Variants in DYNC1LI1 observed in about 807,000 individuals in gnomAD.
DYNC1LI1 encodes cytoplasmic dynein 1 light intermediate chain 1.
Under a neutral mutation model 63.8 loss-of-function variants are expected in DYNC1LI1, and 19 were observed. The ratio of observed to expected loss-of-function variants is 0.30; its 90% CI spans 0.21 to 0.44. The LOEUF (loss-of-function observed/expected upper bound fraction) is 0.44. DYNC1LI1 is among the 20% of genes least tolerant of loss of function. The pLI is 1.00. For synonymous variants in DYNC1LI1, 225 were observed against 232.3 expected (o/e 0.97, Z 0.28); for missense variants, 565 against 630.2 (o/e 0.90, Z 1.11).
At chr3:32,536,885 C>A in intron 6 of DYNC1LI1, 126 bp downstream of exon 6, 1 of 555,030 alleles carries the variant, frequency 1.8e-6, no homozygotes, top group Non-Finnish European at 3.2e-6. Context: ...ATGAAATTTC[C>A]AACCAGAGAC....
chr3:32,538,037 A>T lies in DYNC1LI1; in HGVS notation c.739-933T>A, dbSNP rs1481114892. On this transcript the variant is annotated intron_variant, in intron 5 of 12. Coordinates refer to ENST00000273130, the MANE Select transcript of DYNC1LI1 (RefSeq NM_016141.4). ...TATATATATAATTTATATATATAAT[A>T]TATATATATAATTATATATATATAA... 6.9e-4 allele frequency among the ~76,000 whole-genome samples: 6 copies of T among 8,758 alleles called. 1 individual carries two copies. The East Asian group carries it at 0.19, about 274-fold the overall frequency. 5.7% of individuals were successfully genotyped at this position (8,758 alleles called of 152,430 possible).
chr3:32,537,904 T>C (rs1162513149), intron 5 of DYNC1LI1, among the ~76,000 whole-genome samples: 1 of 82,942 alleles, frequency 1.2e-5, no homozygotes, highest in Middle Eastern at 5.1e-3. Context: ...ATATATAATA[T>C]ATATATATAA....
rs3836420 is a variant in DYNC1LI1 at position 32,526,653 on chromosome 3, CCA to C, written c.*144_*145del. On this transcript the variant is annotated 3_prime_UTR_variant, in exon 13 of 13. Transcript: ENST00000273130. ...ACGGCTCCTTCTAAAAAATGGGTAA[CCA>C]CACACACACACACACACACACACGA... 0.14 allele frequency: 65,762 copies of C among 476,384 alleles called. 1,215 individuals are homozygous for C. Among genetic ancestry groups the C allele is most frequent in the South Asian group, 0.18 (5,322 of 29,066 alleles). 29.5% of individuals were successfully genotyped at this position (476,384 alleles called of 1,614,324 possible).
rs1431899511 is a variant in DYNC1LI1 at position 32,545,927 on chromosome 3, T to C, written c.259A>G (p.Ile87Val). 1.9e-6 allele frequency: 3 copies of C among 1,612,644 alleles called. No individual in the cohort carries two copies. The highest frequency in any genetic ancestry group is 4.5e-5 in the East Asian group (2 of 44,820). ...TTCTTATACTCCTCTATTCCCTGAA[T>C]TTTTCTTATTAAGCTTGTTTTTCCA... ...GAGKTSLIRKIQGIEEYKKGR... is the reference protein window; with the variant it reads ...GAGKTSLIRKVQGIEEYKKGR... The change falls in exon 3 of 13, where the codon ATT (isoleucine) becomes GTT (valine). Residue 87 changes from isoleucine to valine, a missense_variant. Physicochemically the swap from Ile to Val is conservative, Grantham distance 29 (BLOSUM62 3). Coordinates refer to ENST00000273130, the MANE Select transcript of DYNC1LI1 (RefSeq NM_016141.4).
At position 32,570,657 on chromosome 3, in the gene DYNC1LI1, C is replaced by T. The variant is rs1230000170; in HGVS notation, c.114G>A (p.Ala38=). Residue 38 remains alanine, a synonymous_variant, in exon 1 of 13, where the codon GCG becomes GCA. Transcript: ENST00000273130. ...NEIASGNGGA[A]AGDDEDGQNL... is the part of the protein sequence containing the mutation. ...TCTGCCCGTCCTCGTCGTCGCCTGCCGCGGCGCCACCGTTGCCCGACGCTA... is the reference window on the plus strand; with the variant it reads ...TCTGCCCGTCCTCGTCGTCGCCTGCTGCGGCGCCACCGTTGCCCGACGCTA... 2 of 1,597,054 alleles carry T rather than the reference C, an allele frequency of 1.3e-6. No individual in the cohort carries two copies. The highest frequency in any genetic ancestry group is 1.7e-4 in the Middle Eastern group (1 of 6,040).
intron 2 of DYNC1LI1, among the ~76,000 whole-genome samples, chr3:32,564,024 T>C (rs1443659710): frequency 1.3e-5 from 2 of 152,362 alleles, no homozygotes; most frequent in South Asian, 2.1e-4. Flanking sequence ...AACACAGTCA[T>C]GTGCTGTGGG....
In DYNC1LI1 at chr3:32,570,835, T is replaced by TGGAGGC. The variant is rs1698341787; in HGVS notation, c.-71_-66dup. On this transcript the variant is annotated 5_prime_UTR_variant, in exon 1 of 13. Transcript: ENST00000273130. ...TGCGAGGCGGCTGAGGCGGTGGCGG[T>TGGAGGC]GGAGGCGGCGGGAACCCGGATATGG... 4.2e-6 allele frequency: 6 copies of TGGAGGC among 1,437,826 alleles called. No homozygotes were observed. The highest frequency in any genetic ancestry group is 5.3e-5 in the East Asian group (2 of 37,814). 89.1% of individuals were successfully genotyped at this position (1,437,826 alleles called of 1,614,324 possible).
intron 2 of DYNC1LI1, among the ~76,000 whole-genome samples, chr3:32,551,938 A>G (rs1418529123): frequency 6.6e-6 from 1 of 152,166 alleles, no homozygotes; most frequent in Non-Finnish European, 1.5e-5. Flanking sequence ...AATTCCACCT[A>G]AAATCTGGTG....
intron 4 of DYNC1LI1, among the ~76,000 whole-genome samples, chr3:32,543,564 A>G (rs1697911539): frequency 6.8e-6 from 1 of 146,372 alleles, no homozygotes; most frequent in Non-Finnish European, 1.5e-5. Context: ...ATGCTGGGCT[A>G]ATTTTTTTTT....
At chr3:32,540,281 A>C (rs1697862184) in intron 5 of DYNC1LI1, among the ~76,000 whole-genome samples, 1 of 152,208 alleles carries the variant, frequency 6.6e-6, no homozygotes, top group African/African-American at 2.4e-5. Context: ...TTTAAAAAAC[A>C]GAAACCCTTG....
intron 2 of DYNC1LI1, 175 bp downstream of exon 2, chr3:32,570,171 G>A (rs1295937599): frequency 2.8e-6 from 2 of 712,562 alleles, no homozygotes; most frequent in Non-Finnish European, 5.0e-6. Context: ...GCAGGTCCTG[G>A]GTCAAGGGTC....
intron 2 of DYNC1LI1, among the ~76,000 whole-genome samples, chr3:32,558,116 C>T (rs551907310): frequency 5.6e-4 from 85 of 152,088 alleles, no homozygotes; most frequent in Middle Eastern, 3.4e-3. Context: ...CACCTGTAGC[C>T]CCAGCTACTC....
At chr3:32,560,780 G>A (rs376753975) in intron 2 of DYNC1LI1, among the ~76,000 whole-genome samples, 1 of 151,762 alleles carries the variant, frequency 6.6e-6, no homozygotes, top group Non-Finnish European at 1.5e-5. Flanking sequence ...GAGGCAGGCA[G>A]ATCACCTAAG....
intron 10 of DYNC1LI1, 70 bp downstream of exon 10, chr3:32,530,214 A>G (rs1487740686): frequency 7.9e-7 from 1 of 1,273,648 alleles, no homozygotes; most frequent in African/African-American, 1.5e-5. Flanking sequence ...ATATGTACAT[A>G]ATTAATAAAA....
At chr3:32,558,859 AAT>A (rs1188401459) in intron 2 of DYNC1LI1, among the ~76,000 whole-genome samples, 4 of 152,046 alleles carry the variant, frequency 2.6e-5, no homozygotes, top group Non-Finnish European at 4.4e-5. Context: ...AAAAAAAAAA[AAT>A]AATAACAACA....
At chr3:32,558,573 C>T (rs905848307) in intron 2 of DYNC1LI1, among the ~76,000 whole-genome samples, 3 of 152,012 alleles carry the variant, frequency 2.0e-5, no homozygotes, top group African/African-American at 4.8e-5. Flanking sequence ...GGGCCGGGAG[C>T]GGTGGCTCAC....
chr3:32,549,024 A>T (rs1030156647), intron 2 of DYNC1LI1, among the ~76,000 whole-genome samples: 3 of 152,152 alleles, frequency 2.0e-5, no homozygotes, highest in Non-Finnish European at 4.4e-5. Context: ...AAAATGCTTA[A>T]AATGGAAATA....
chr3:32,532,485 G>GTATATATATATATATATATATATATA lies in DYNC1LI1; in HGVS notation c.1080+500_1080+501insTATATATATATATATATATATATATA, dbSNP rs1292389896. The GTATATATATATATATATATATATATA allele has an allele frequency of 2.1e-3, 256 of 122,134 alleles. 5 individuals carry two copies. The highest frequency in any genetic ancestry group is 0.011 in the East Asian group (42 of 3,794). The allele number at this position is 122,134 out of a possible 1,614,324, so 7.6% of individuals were successfully genotyped here. A position where few individuals can be genotyped will look rare whatever the true frequency, so the allele number is the denominator to read the frequency against. On this transcript the variant is annotated intron_variant, in intron 8 of 12. Coordinates refer to ENST00000273130, the MANE Select transcript of DYNC1LI1 (RefSeq NM_016141.4). The stretch of plus-strand genomic sequence containing the variant: ...CATCTCAAAAAAAAAAAAAAAATGT[G>GTATATATATATATATATATATATATA]TGTATATATATATATATATATAAAA...
At chr3:32,546,971 G>GC (rs1279991394) in intron 2 of DYNC1LI1, among the ~76,000 whole-genome samples, 7 of 152,142 alleles carry the variant, frequency 4.6e-5, no homozygotes, top group Admixed American at 2.6e-4. Context: ...TAGGCCAGGC[G>GC]CGGTGGCTCA....
Sources: gnomAD v4.1 joint callset for allele counts (sites outside exome capture counted in the v4.1 genomes callset) on GRCh38, gnomAD v4.1.1 for gene constraint, MANE v1.5 for transcripts, NCBI Gene and HGNC (gene_info 2026-07-23, HGNC 2026-07-21) for gene names.